MED13L: variants seen among roughly 807,000 people sequenced by gnomAD.
MED13L encodes the protein mediator complex subunit 13L.
A neutral mutation model predicts 220.9 loss-of-function variants in MED13L; 7 were observed. The observed-to-expected ratio is 0.03, with a 90% CI of 0.02 to 0.06. The LOEUF (loss-of-function observed/expected upper bound fraction) is 0.06. Ranked by LOEUF, MED13L falls within the 10% of genes least tolerant of loss-of-function variation. The probability of loss-of-function intolerance (pLI) is 1.00; values close to 1 mark genes in which losing one functional copy is unlikely to be tolerated. For synonymous variants in MED13L, 1,011 were observed against 1,015.2 expected, an observed-to-expected ratio of 1.00 and a Z score of 0.08; for missense variants, 1,965 against 2,760.5, an observed-to-expected ratio of 0.71 and a Z score of 6.46.
chr12:116,197,221 G>A (rs755460313), intron 2 of MED13L, among the ~76,000 whole-genome samples: 3 of 152,098 alleles, frequency 2.0e-5, no homozygotes, highest in East Asian at 3.9e-4. Context: ...CCGTGTACTC[G>A]GCTGAAGGGC....
intron 2 of MED13L, among the ~76,000 whole-genome samples, chr12:116,169,833 G>T (rs919406441): frequency 6.6e-6 from 1 of 152,098 alleles, no homozygotes; most frequent in South Asian, 2.1e-4. Flanking sequence ...AACATAAGGC[G>T]ACTCCATCTC....
At chr12:116,105,038 T>C (rs1043063786) in intron 3 of MED13L, among the ~76,000 whole-genome samples, 1 of 152,246 alleles carries the variant, frequency 6.6e-6, no homozygotes, top group African/African-American at 2.4e-5. Context: ...GGATATGGTA[T>C]ATTATGAAAA....
At chr12:116,129,908 CAAA>C (rs572694841) in intron 2 of MED13L, among the ~76,000 whole-genome samples, 4 of 95,448 alleles carry the variant, frequency 4.2e-5, no homozygotes, top group Admixed American at 1.1e-4. Flanking sequence ...GACTCAGTCT[CAAA>C]AAAAAAAAAA....
At chr12:116,109,610 C>CAA (rs1334527919) in intron 3 of MED13L, among the ~76,000 whole-genome samples, 1 of 152,050 alleles carries the variant, frequency 6.6e-6, no homozygotes, top group African/African-American at 2.4e-5. Flanking sequence ...TGTGCTTAAA[C>CAA]GTGTGTTAAT....
intron 2 of MED13L, among the ~76,000 whole-genome samples, chr12:116,142,702 TA>T (rs902605553): frequency 2.0e-5 from 3 of 147,288 alleles, no homozygotes; most frequent in Admixed American, 6.8e-5. Flanking sequence ...AAAATAAAAG[TA>T]AAAAAAAAAG....
intron 2 of MED13L, among the ~76,000 whole-genome samples, chr12:116,159,237 G>A (rs560693386): frequency 1.3e-5 from 2 of 152,258 alleles, no homozygotes; most frequent in East Asian, 3.9e-4. Flanking sequence ...TCAAAGTAAA[G>A]CCTCTGAGAT....
chr12:116,195,869 A>C (rs1881593250), intron 2 of MED13L, among the ~76,000 whole-genome samples: 1 of 152,238 alleles, frequency 6.6e-6, no homozygotes, highest in Non-Finnish European at 1.5e-5. Context: ...ATTTTAACTC[A>C]AAGTAAGTTT....
chr12:116,254,953 G>T lies in MED13L; in HGVS notation c.73-17248C>A, dbSNP rs117936870. ...TTCATGAACTGAAAGATTTAAAATC[G>T]TTAAAATGTCAATTTTCCCAATTTG... On this transcript the variant is annotated intron_variant, in intron 1 of 30. Transcript: ENST00000281928. Among the ~76,000 whole-genome samples the T allele has an allele frequency of 1.7e-3, 265 of 152,094 alleles. 8 individuals carry two copies. The East Asian group carries it at 0.039, about 22-fold the overall frequency.
chr12:116,255,457 T>C (rs1328501151), intron 1 of MED13L, among the ~76,000 whole-genome samples: 2 of 152,216 alleles, frequency 1.3e-5, no homozygotes, highest in Admixed American at 6.5e-5. Flanking sequence ...AAAAAAACTT[T>C]CCTGCTTTGG....
intron 4 of MED13L, among the ~76,000 whole-genome samples, chr12:116,094,206 A>G (rs567267639): frequency 1.3e-5 from 2 of 152,354 alleles, no homozygotes; most frequent in East Asian, 3.9e-4. Flanking sequence ...AAAAGTCATC[A>G]TACCTAATAA....
At chr12:115,972,947 C>T (rs1265255379) in intron 25 of MED13L, among the ~76,000 whole-genome samples, 3 of 152,128 alleles carry the variant, frequency 2.0e-5, no homozygotes, top group Non-Finnish European at 4.4e-5. Flanking sequence ...ACGAAGTATG[C>T]GCCATTCCTA....
intron 4 of MED13L, among the ~76,000 whole-genome samples, chr12:116,088,682 C>G (rs923189727): frequency 6.7e-6 from 1 of 148,950 alleles, no homozygotes; most frequent in African/African-American, 2.5e-5. Context: ...AGTTTGGAAT[C>G]TGAATTCAGC....
At chr12:116,236,590 T>C (rs866985964) in intron 2 of MED13L, among the ~76,000 whole-genome samples, 1 of 151,372 alleles carries the variant, frequency 6.6e-6, no homozygotes, top group African/African-American at 2.4e-5. Flanking sequence ...TAACACAATA[T>C]AGTTTGGAGA....
At chr12:116,070,702 G>A (rs573509492) in intron 4 of MED13L, among the ~76,000 whole-genome samples, 27 of 152,250 alleles carry the variant, frequency 1.8e-4, no homozygotes, top group Non-Finnish European at 3.8e-4. Flanking sequence ...AGATGGTCTT[G>A]ATTGAGACAG....
intron 1 of MED13L, among the ~76,000 whole-genome samples, chr12:116,238,802 A>G (rs1870337415): frequency 6.6e-6 from 1 of 152,232 alleles, no homozygotes; most frequent in Non-Finnish European, 1.5e-5. Context: ...CAAATTAAAA[A>G]GGTTTTGCTT....
At chr12:116,038,461 T>C (rs765883816) in intron 4 of MED13L, among the ~76,000 whole-genome samples, 6 of 152,082 alleles carry the variant, frequency 3.9e-5, no homozygotes, top group Non-Finnish European at 7.4e-5. Flanking sequence ...ATGTGTCTCA[T>C]TGTACACCTT....
chr12:116,078,508 T>C (rs948759923), intron 4 of MED13L, among the ~76,000 whole-genome samples: 3 of 152,232 alleles, frequency 2.0e-5, no homozygotes, highest in Non-Finnish European at 4.4e-5. Flanking sequence ...AGCTTATGAC[T>C]TAACTTCTCT....
intron 2 of MED13L, 81 bp downstream of exon 2, chr12:116,237,387 T>C: frequency 1.8e-6 from 2 of 1,128,528 alleles, no homozygotes. Flanking sequence ...TTTAGACAAG[T>C]CTTAATAATC....
rs1397772839 is a variant in MED13L at position 115,959,672 on chromosome 12, C to A, written c.*1594G>T. The A allele has an allele frequency of 6.6e-6, 1 of 152,470 alleles. No homozygotes were observed. The highest frequency in any genetic ancestry group is 1.5e-5 in the Non-Finnish European group (1 of 68,016). 9.4% of individuals were successfully genotyped at this position (152,470 alleles called of 1,614,324 possible). A position where few individuals can be genotyped will look rare whatever the true frequency, so the allele number is the denominator to read the frequency against. ...ATCCTATACATTGCGAAAGTCAACCCCCCCTTCAACTGGTGGTACAGAGAA... is the reference window on the plus strand; with the variant it reads ...ATCCTATACATTGCGAAAGTCAACCACCCCTTCAACTGGTGGTACAGAGAA... On this transcript the variant is annotated 3_prime_UTR_variant, in exon 31 of 31. Transcript: ENST00000281928.
Sources: allele counts gnomAD v4.1 joint callset (sites outside exome capture counted in the v4.1 genomes callset), GRCh38; gene constraint gnomAD v4.1.1; transcripts MANE v1.5; gene names NCBI Gene and HGNC (gene_info 2026-07-23, HGNC 2026-07-21).